The following VWA7 variants were observed in gnomAD, a reference collection of about 807,000 sequenced individuals.
VWA7 encodes the protein von Willebrand factor A domain containing 7.
In VWA7, 66 loss-of-function variants were observed where a neutral mutation model predicts 83.1. That is an observed-to-expected ratio of 0.79 (90% confidence interval 0.65 to 0.98). The LOEUF is 0.98. Among genes scored for constraint, VWA7 ranks in the 50% least tolerant of loss-of-function variants. VWA7 has a pLI of 0.00. For synonymous variants in VWA7, 424 were observed against 488.5 expected, an observed-to-expected ratio of 0.87 and a Z score of 1.74; for missense variants, 1,080 against 1,160.2, an observed-to-expected ratio of 0.93 and a Z score of 1.00.
chr6:31,774,708 C>T, intron 4 of VWA7, 82 bp from the exon 5 acceptor site: 2 of 1,184,778 alleles, frequency 1.7e-6, no homozygotes, highest in Non-Finnish European at 2.4e-6. Flanking sequence ...TTTTCAGCTT[C>T]TCCTCCCAGC....
At position 31,776,833 on chromosome 6, in the gene VWA7, C is replaced by T. The variant is rs1192168222; in HGVS notation, c.-15-39G>A. ...GGCTCTCAAGGGAGGAGGAAGCAGC[C>T]GCGATTCCAGGGCAGGCCGGCTCTG... On this transcript the variant is annotated intron_variant, in intron 1 of 16. Coordinates refer to ENST00000375688, the MANE Select transcript of VWA7 (RefSeq NM_025258.3). This position sits in a 1 kb window ranked among gnomAD's most constrained non-coding sequence, Gnocchi z 6.2. The T allele has an allele frequency of 3.5e-5, 42 of 1,203,618 alleles. No homozygotes were observed. The highest frequency in any genetic ancestry group is 3.0e-4 in the South Asian group (15 of 50,550). The allele number at this position is 1,203,618 out of a possible 1,614,324, so 74.6% of individuals were successfully genotyped here.
At position 31,770,132 on chromosome 6, in the gene VWA7, G is replaced by T; in HGVS notation, c.1088-19C>A. The stretch of plus-strand genomic sequence containing the variant: ...CCGAACCCTGGGAAGGGGAAAGGAG[G>T]TTAAGATAAGTGAGGAAAGAGCTCC... On this transcript the variant is annotated intron_variant, in intron 7 of 16. Transcript: ENST00000375688. The T allele has an allele frequency of 6.2e-7, 1 of 1,602,076 alleles. No homozygotes were observed. Among genetic ancestry groups the T allele is most frequent in the Non-Finnish European group, 8.5e-7 (1 of 1,170,822 alleles).
In VWA7 at chr6:31,776,762, G is replaced by A. The variant is rs1015568014; in HGVS notation, c.18C>T (p.Val6=). The A allele has an allele frequency of 3.5e-6, 5 of 1,446,626 alleles. No individual in the cohort carries two copies. Among genetic ancestry groups the A allele is most frequent in the Non-Finnish European group, 3.7e-6 (4 of 1,093,672 alleles). 89.6% of individuals were successfully genotyped at this position (1,446,626 alleles called of 1,614,324 possible). Residue 6 remains valine (V), a synonymous_variant, in exon 2 of 17, where the codon GTC becomes GTT. Transcript: ENST00000375688. This position sits in a 1 kb window ranked among gnomAD's most constrained non-coding sequence, Gnocchi z 6.2. MLPTE[V]PQSHPGPSAL... ...CTGAGGGGCCCGGGTGGGATTGGGG[G>A]ACCTCCGTGGGGAGCATGGCTGAGA...
Position 31,775,188 on chromosome 6 carries a change from A to C in VWA7, c.610+145T>G. The C allele has an allele frequency of 4.6e-6, 3 of 650,936 alleles. No homozygotes were observed. The highest frequency in any genetic ancestry group is 7.5e-6 in the Non-Finnish European group (3 of 399,516). The allele number at this position is 650,936 out of a possible 1,614,324, so 40.3% of individuals were successfully genotyped here. The stretch of plus-strand genomic sequence containing the variant: ...CTTGGGGAAGCTGCTTAACTGAGCC[A>C]GGCGTTGCTTGGACTGGGGGACCTC... On this transcript the variant is annotated intron_variant, in intron 4 of 16. Transcript: ENST00000375688. The surrounding 1 kb of genome is among the most constrained non-coding windows in gnomAD (Gnocchi z 5.9).
At position 31,765,814 on chromosome 6, in the gene VWA7, A is replaced by C. The variant is rs372624720; in HGVS notation, c.2500-44T>G. The C allele has an allele frequency of 2.6e-4, 407 of 1,595,632 alleles. No homozygotes were observed. In the Middle Eastern group the frequency reaches 3.4e-3, roughly 13 times the overall value. On this transcript the variant is annotated intron_variant, in intron 16 of 16. Transcript: ENST00000375688. ...GAATGACAGGGTGTGCTAGAGCTGT[A>C]CTCAAATTAAACCTACACCACCCTC... is the stretch of plus-strand genomic sequence containing the variant.
chr6:31,774,717 G>T, intron 4 of VWA7, 91 bp from the exon 5 acceptor site: 1 of 1,093,708 alleles, frequency 9.1e-7, no homozygotes, highest in Non-Finnish European at 1.3e-6. Flanking sequence ...TCTCCTCCCA[G>T]CTGGGATGAG....
At position 31,766,754 on chromosome 6, in the gene VWA7, G is replaced by T. The variant is rs779411321; in HGVS notation, c.1893C>A (p.Thr631=). The part of the protein sequence containing the change: ...PLTQPVAGLQ[T]QLLVEVTGLG... ...ACCCTGTCACTTCTACCAGCAGCTGGGTCTGAAGACCTGGGACAGGGGCGA... is the reference window on the plus strand; with the variant it reads ...ACCCTGTCACTTCTACCAGCAGCTGTGTCTGAAGACCTGGGACAGGGGCGA... Residue 631 remains threonine, a synonymous_variant, in exon 14 of 17, where the codon ACC becomes ACA. Coordinates refer to ENST00000375688, the MANE Select transcript of VWA7 (RefSeq NM_025258.3). The surrounding 1 kb of genome is among the most constrained non-coding windows in gnomAD (Gnocchi z 4.9). 1.9e-6 allele frequency: 3 copies of T among 1,601,362 alleles called. No homozygotes were observed. In the East Asian group the frequency reaches 6.7e-5, roughly 36 times the overall value.
chr6:31,765,658 G>C lies in VWA7; in HGVS notation c.2612C>G (p.Ala871Gly). 1 of 1,606,958 alleles carries C rather than the reference G, an allele frequency of 6.2e-7. No individual in the cohort carries two copies. The highest frequency in any genetic ancestry group is 8.5e-7 in the Non-Finnish European group (1 of 1,177,394). The change falls in exon 17 of 17, where the codon GCG (alanine) becomes GGG (glycine). Residue 871 changes from alanine to glycine, a missense_variant. Transcript: ENST00000375688. Reference sequence around the variant, plus strand: ...AACTGTGCCCCACCAGGGGCTGCCCGCAGCCAGCCCTGCCCCAGCCCTGCC... The same window carrying C: ...AACTGTGCCCCACCAGGGGCTGCCCCCAGCCAGCCCTGCCCCAGCCCTGCC... ...TQGRAGAGLA[A>G]GSPWWGTVGG...
At chr6:31,767,548 C>T (rs2151391270) in intron 11 of VWA7, 34 bp from the exon 12 acceptor site, 1 of 1,600,366 alleles carries the variant, frequency 6.2e-7, no homozygotes, top group African/African-American at 1.3e-5. Flanking sequence ...ACATGAAGCA[C>T]TTGCTCTCCT....
Position 31,769,163 on chromosome 6 carries a change from C to T in VWA7, c.1358G>A (p.Gly453Asp). 1.2e-6 allele frequency: 2 copies of T among 1,613,096 alleles called. No individual in the cohort carries two copies. Among genetic ancestry groups the T allele is most frequent in the Non-Finnish European group, 1.7e-6 (2 of 1,180,034 alleles). ...GGACAAGATCTCACGCCGAGCTCGA[C>T]CCTGAACCCTTGATGTATCTTCAGT... ...LVTEDTSRVQ[G>D]RARREILSPL... Residue 453 changes from glycine (G) to aspartate (D), a missense_variant, in exon 10 of 17, where the codon GGT (glycine) becomes GAT (aspartate). Transcript: ENST00000375688. The surrounding 1 kb of genome is among the most constrained non-coding windows in gnomAD (Gnocchi z 4.5).
At position 31,776,272 on chromosome 6, in the gene VWA7, A is replaced by T; in HGVS notation, c.235-30T>A. On this transcript the variant is annotated intron_variant, in intron 2 of 16. Transcript: ENST00000375688. The surrounding 1 kb of genome is among the most constrained non-coding windows in gnomAD (Gnocchi z 6.2). ...GGAGAATAGCGGGCGACGGGGCTCC[A>T]GGGAGGCCCTTTGGATTGACTGTTG... is the stretch of plus-strand genomic sequence containing the variant. The T allele has an allele frequency of 6.3e-7, 1 of 1,597,810 alleles. No homozygotes were observed. The highest frequency in any genetic ancestry group is 8.5e-7 in the Non-Finnish European group (1 of 1,171,008).
chr6:31,776,149 C>T lies in VWA7; in HGVS notation c.328G>A (p.Ala110Thr). 1 of 1,614,066 alleles carries T rather than the reference C, an allele frequency of 6.2e-7. No homozygotes were observed. The highest frequency in any genetic ancestry group is 8.5e-7 in the Non-Finnish European group (1 of 1,180,016). Residue 110 changes from alanine (A) to threonine (T), a missense_variant, in exon 3 of 17, where the codon GCC becomes ACC. Physicochemically the swap from Ala to Thr is moderately conservative, Grantham distance 58. Coordinates refer to ENST00000375688, the MANE Select transcript of VWA7 (RefSeq NM_025258.3). This position sits in a 1 kb window ranked among gnomAD's most constrained non-coding sequence, Gnocchi z 6.2. ...GGCAGGAAGTCCTGGGCTGCATTGG[C>T]ACGAGACACCTCACCTAAGGCTGCT... ...FRAALGEVSR[A>T]NAAQDFLPTS...
Position 31,776,025 on chromosome 6 carries a change from G to A in VWA7, c.452C>T (p.Ala151Val). 1 of 1,613,466 alleles carries A rather than the reference G, an allele frequency of 6.2e-7. No individual in the cohort carries two copies. The highest frequency in any genetic ancestry group is 8.5e-7 in the Non-Finnish European group (1 of 1,180,024). Reference protein sequence around the residue: ...VGALRETVVAARALDHTLARQ... With the variant: ...VGALRETVVAVRALDHTLARQ... ...AGCCAGGGTGTGGTCAAGGGCCCTG[G>A]CTGCCACCACGGTCTCCCGCAGAGC... Residue 151 changes from alanine (A) to valine (V), a missense_variant, in exon 3 of 17, where the codon GCC becomes GTC. By Grantham distance (64) the Ala-to-Val change is moderately conservative (BLOSUM62 0). Coordinates refer to ENST00000375688, the MANE Select transcript of VWA7 (RefSeq NM_025258.3). The surrounding 1 kb of genome is among the most constrained non-coding windows in gnomAD (Gnocchi z 6.2).
Position 31,765,686 on chromosome 6 carries a change from G to C in VWA7, c.2584C>G (p.Gln862Glu). 6.2e-7 allele frequency: 1 copy of C among 1,602,298 alleles called. No homozygotes were observed. Among genetic ancestry groups the C allele is most frequent in the Non-Finnish European group, 8.5e-7 (1 of 1,174,684 alleles). The change falls in exon 17 of 17, where the codon CAA becomes GAA. Residue 862 changes from glutamine to glutamate, a missense_variant. By Grantham distance (29) the Gln-to-Glu change is conservative (BLOSUM62 2). Transcript: ENST00000375688. ...PAFSPFTLVT[Q>E]GRAGAGLAAG... is the part of the protein sequence containing the mutation. ...GCCAGCCCTGCCCCAGCCCTGCCTT[G>C]AGTCACCAATGTGAAGGGGGAAAAG...
Position 31,765,718 on chromosome 6 carries a change from G to A in VWA7, c.2552C>T (p.Thr851Ile), listed in dbSNP as rs759563865. The change falls in exon 17 of 17, where the codon ACC (threonine) becomes ATC (isoleucine). Residue 851 changes from threonine (T) to isoleucine (I), a missense_variant. Physicochemically the swap from Thr to Ile is moderately conservative, Grantham distance 89 (BLOSUM62 -1). Coordinates refer to ENST00000375688, the MANE Select transcript of VWA7 (RefSeq NM_025258.3). ...CAATGTGAAGGGGGAAAAGGCAGGG[G>A]TGGCCGTGGTGAGGATCGGGTCAGA... ...GSSDPILTTA[T>I]PAFSPFTLVT... 1 of 1,593,534 alleles carries A rather than the reference G, an allele frequency of 6.3e-7. No individual in the cohort carries two copies. Among genetic ancestry groups the A allele is most frequent in the African/African-American group, 1.3e-5 (1 of 74,524 alleles).
rs1268035723 is a variant in VWA7 at position 31,766,513 on chromosome 6, G to C, written c.2134C>G (p.Leu712Val). The C allele has an allele frequency of 6.2e-7, 1 of 1,607,614 alleles. No individual in the cohort carries two copies. The highest frequency in any genetic ancestry group is 8.5e-7 in the Non-Finnish European group (1 of 1,176,550). ...LIGQDAAGRR[L>V]HRAAPQPSTV... ...CTAGGCTGAGGGGCAGCCCTGTGCA[G>C]GCGCCGCCCCGCTGCGTCCTGGCCA... Residue 712 changes from leucine (L) to valine (V), a missense_variant, in exon 14 of 17, where the codon CTG becomes GTG. Transcript: ENST00000375688. The surrounding 1 kb of genome is among the most constrained non-coding windows in gnomAD (Gnocchi z 4.9).
chr6:31,766,009 C>T lies in VWA7; in HGVS notation c.2373G>A (p.Glu791=), dbSNP rs1811517037. ...AATCCGGGGCCGCTGAATCTGGGAC[C>T]TCCAGCCACAGGCGGCCCCAGGCCG... ...NESAWGRLWL[E]VPDSAAPDSV... is the part of the protein sequence containing the mutation. The change falls in exon 16 of 17, where the codon GAG becomes GAA. Residue 791 remains glutamate, a synonymous_variant. Transcript: ENST00000375688. This position sits in a 1 kb window ranked among gnomAD's most constrained non-coding sequence, Gnocchi z 4.9. The T allele has an allele frequency of 1.1e-5, 17 of 1,612,932 alleles. No individual in the cohort carries two copies. Among genetic ancestry groups the T allele is most frequent in the Non-Finnish European group, 1.4e-5 (17 of 1,180,034 alleles).
rs1811557974 is a variant in VWA7 at position 31,766,292 on chromosome 6, A to AAT, written c.2276_2277insAT (p.Arg760LeufsTer22). ...AGAAGCTGGGGTTGACGAAAGTCCT[A>AAT]AGGTCAAGATCCTGAGGGCCCGAGA... On this transcript the variant is annotated frameshift_variant, in exon 15 of 17. Transcript: ENST00000375688. LOFTEE classifies it high-confidence loss of function. The surrounding 1 kb of genome is among the most constrained non-coding windows in gnomAD (Gnocchi z 4.9). 6.2e-7 allele frequency: 1 copy of AAT among 1,612,398 alleles called. No individual in the cohort carries two copies. The highest frequency in any genetic ancestry group is 1.7e-5 in the Admixed American group (1 of 59,960).
At position 31,776,872 on chromosome 6, in the gene VWA7, G is replaced by A; in HGVS notation, c.-15-78C>T. ...AGGCCGGCTCTGCGGGTCTCCATGGGAACCTGCTTTACCTCAAAAGTCGTG... is the reference window on the plus strand; with the variant it reads ...AGGCCGGCTCTGCGGGTCTCCATGGAAACCTGCTTTACCTCAAAAGTCGTG... On this transcript the variant is annotated intron_variant, in intron 1 of 16. Coordinates refer to ENST00000375688, the MANE Select transcript of VWA7 (RefSeq NM_025258.3). The surrounding 1 kb of genome is among the most constrained non-coding windows in gnomAD (Gnocchi z 6.2). 1.2e-6 allele frequency: 1 copy of A among 825,696 alleles called. No homozygotes were observed. The highest frequency in any genetic ancestry group is 1.8e-6 in the Non-Finnish European group (1 of 570,108). 51.1% of individuals were successfully genotyped at this position (825,696 alleles called of 1,614,324 possible).
Sources: allele counts gnomAD v4.1 joint callset, GRCh38; gene constraint gnomAD v4.1.1; non-coding constraint Gnocchi (gnomAD v3.1); transcripts MANE v1.5; gene names NCBI Gene and HGNC (gene_info 2026-07-23, HGNC 2026-07-21).